Variants in SLC12A9 observed in about 807,000 individuals in gnomAD.
The protein encoded by SLC12A9 is CCC-interacting protein 1.
A neutral mutation model predicts 66.0 loss-of-function variants in SLC12A9; 55 were observed. That is an observed-to-expected ratio of 0.83 (90% CI 0.67 to 1.04). SLC12A9 has a LOEUF of 1.04. SLC12A9 is among the 50% of genes least tolerant of loss of function. The probability of loss-of-function intolerance (pLI) is 0.00; values close to 1 mark genes in which losing one functional copy is unlikely to be tolerated. For synonymous variants in SLC12A9, 577 were observed against 569.0 expected (o/e 1.01, Z -0.20); for missense variants, 1,061 against 1,241.9 (o/e 0.85, Z 2.19).
chr7:100,855,768 G>T lies in SLC12A9; in HGVS notation c.379G>T (p.Ala127Ser), dbSNP rs1451698722. The T allele has an allele frequency of 6.2e-7, 1 of 1,614,146 alleles. No individual in the cohort carries two copies. The highest frequency in any genetic ancestry group is 8.5e-7 in the Non-Finnish European group (1 of 1,180,006). The stretch of plus-strand genomic sequence containing the variant: ...CAGCATTGGGCTCATGTTCTACCTG[G>T]CTAACGTCTGTGGCTGTGCCGTCTC... ...GGSIGLMFYLANVCGCAVSLL... is the reference protein window; with the variant it reads ...GGSIGLMFYLSNVCGCAVSLL... Residue 127 changes from alanine to serine, a missense_variant, in exon 4 of 14, where the codon GCT becomes TCT. Physicochemically the swap from Ala to Ser is moderately conservative, Grantham distance 99. Coordinates refer to ENST00000354161, the MANE Select transcript of SLC12A9 (RefSeq NM_020246.4).
chr7:100,840,213 G>A (rs1449859555), intron 1 of SLC12A9, among the ~76,000 whole-genome samples: 3 of 152,132 alleles, frequency 2.0e-5, no homozygotes, highest in Non-Finnish European at 4.4e-5. Flanking sequence ...TGTGAGTGTG[G>A]TGTTTTGTGT....
Position 100,866,287 on chromosome 7 carries a change from T to C in SLC12A9, c.2427T>C (p.Ala809=), listed in dbSNP as rs774332755. 34 of 1,500,094 alleles carry C rather than the reference T, an allele frequency of 2.3e-5. No individual in the cohort carries two copies. The highest frequency in any genetic ancestry group is 2.9e-5 in the Non-Finnish European group (32 of 1,120,778). 92.9% of individuals were successfully genotyped at this position (1,500,094 alleles called of 1,614,324 possible). A position where few individuals can be genotyped will look rare whatever the true frequency, so the allele number is the denominator to read the frequency against. The change falls in exon 14 of 14, where the codon GCT becomes GCC. Residue 809 remains alanine (A), a synonymous_variant. Coordinates refer to ENST00000354161, the MANE Select transcript of SLC12A9 (RefSeq NM_020246.4). The surrounding 1 kb of genome is among the most constrained non-coding windows in gnomAD (Gnocchi z 7.3). ...TGGTGTGGGGCGAGGGGGCCGGGGCTGGGGAACCCGAGGCGGAGGAGGAAG... is the reference window on the plus strand; with the variant it reads ...TGGTGTGGGGCGAGGGGGCCGGGGCCGGGGAACCCGAGGCGGAGGAGGAAG... ...QEVVWGEGAG[A]GEPEAEEEGD...
chr7:100,833,093 T>C (rs1220594737), intron 1 of SLC12A9, among the ~76,000 whole-genome samples: 1 of 152,126 alleles, frequency 6.6e-6, no homozygotes, highest in Non-Finnish European at 1.5e-5. Flanking sequence ...TTTATTTTAT[T>C]TTATTTTTAT....
chr7:100,864,806 C>T (rs1027291106), intron 13 of SLC12A9, among the ~76,000 whole-genome samples: 5 of 152,124 alleles, frequency 3.3e-5, no homozygotes, highest in East Asian at 1.9e-4. Flanking sequence ...AGCATTACTT[C>T]GAGTTTCAAA....
In SLC12A9 at chr7:100,866,606, T is replaced by C. The variant is rs1037354053; in HGVS notation, c.*1T>C. ...TCCAGTCACCTGCACTGATCTGTGA[T>C]GCCCCTGCCTCCAGGGCTAGGTAGA... is the stretch of plus-strand genomic sequence containing the variant. On this transcript the variant is annotated 3_prime_UTR_variant, in exon 14 of 14. Coordinates refer to ENST00000354161, the MANE Select transcript of SLC12A9 (RefSeq NM_020246.4). The surrounding 1 kb of genome is among the most constrained non-coding windows in gnomAD (Gnocchi z 7.3). 1.4e-5 allele frequency: 22 copies of C among 1,555,836 alleles called. No homozygotes were observed. Among genetic ancestry groups the C allele is most frequent in the Non-Finnish European group, 1.9e-5 (22 of 1,148,846 alleles).
At chr7:100,838,059 C>T (rs1421941843) in intron 1 of SLC12A9, among the ~76,000 whole-genome samples, 1 of 151,966 alleles carries the variant, frequency 6.6e-6, no homozygotes, top group Non-Finnish European at 1.5e-5. Flanking sequence ...GACAGGGTTT[C>T]ACCATGTTAG....
intron 1 of SLC12A9, among the ~76,000 whole-genome samples, chr7:100,836,208 TAAG>T (rs1337938421): frequency 2.0e-5 from 3 of 151,934 alleles, no homozygotes; most frequent in Non-Finnish European, 4.4e-5. Flanking sequence ...GGAGGGAAAG[TAAG>T]AAGGACTATT....
Position 100,857,120 on chromosome 7 carries a change from C to G in SLC12A9, c.701C>G (p.Pro234Arg). The G allele has an allele frequency of 6.2e-7, 1 of 1,614,180 alleles. No individual in the cohort carries two copies. Among genetic ancestry groups the G allele is most frequent in the Non-Finnish European group, 8.5e-7 (1 of 1,180,028 alleles). The change falls in exon 5 of 14, where the codon CCC becomes CGC. Residue 234 changes from proline (P) to arginine (R), a missense_variant. By Grantham distance (103) the Pro-to-Arg change is moderately radical. Transcript: ENST00000354161. ...GGCCCCAATGGCTCCTCCCTGCCGC[C>G]CCGGTTTGGCCACTTCACCGGCTTC... is the stretch of plus-strand genomic sequence containing the variant. ...RPGPNGSSLP[P>R]RFGHFTGFNS...
chr7:100,837,366 C>G (rs995140648), intron 1 of SLC12A9: 1 of 152,214 alleles, frequency 6.6e-6, no homozygotes, highest in Non-Finnish European at 1.5e-5. Flanking sequence ...GAGGACGACC[C>G]GCCCGTAGCC....
At chr7:100,859,822 G>A (rs766628023) in intron 7 of SLC12A9, 63 bp from the exon 8 acceptor site, 37 of 1,540,994 alleles carry the variant, frequency 2.4e-5, no homozygotes, top group Non-Finnish European at 3.2e-5. Context: ...TTAAGATCGG[G>A]GCTGGAGATT....
At position 100,860,305 on chromosome 7, in the gene SLC12A9, G is replaced by A. The variant is rs896072407; in HGVS notation, c.1218+73G>A. On this transcript the variant is annotated intron_variant, in intron 9 of 13. Transcript: ENST00000354161. ...CAGGATGGGGGTGCAGTTAGATGCA[G>A]GCTGGGAGACAAATGTAAAGACAAA... 59 of 1,490,516 alleles carry A rather than the reference G, an allele frequency of 4.0e-5. No individual in the cohort carries two copies. The Middle Eastern group carries it at 6.9e-4, about 18-fold the overall frequency. 92.3% of individuals were successfully genotyped at this position (1,490,516 alleles called of 1,614,324 possible).
intron 1 of SLC12A9, chr7:100,827,597 C>G (rs545020449): frequency 1.3e-5 from 2 of 152,312 alleles, no homozygotes; most frequent in African/African-American, 4.8e-5. Context: ...GCGGGGGCTC[C>G]GCGAGTGAGC....
rs537323931 is a variant in SLC12A9 at position 100,858,656 on chromosome 7, G to C, written c.758-179G>C. On this transcript the variant is annotated intron_variant, in intron 5 of 13. Transcript: ENST00000354161. ...TGGAGGGAGGAATATCGGAGCACTG[G>C]GGGGACGTGGCAATGTGTCTGGCTG... The C allele has an allele frequency of 1.5e-3, 878 of 596,508 alleles. 1 individual carries two copies. The highest frequency in any genetic ancestry group is 2.2e-3 in the Non-Finnish European group (738 of 332,176). The allele number at this position is 596,508 out of a possible 1,614,324, so 37.0% of individuals were successfully genotyped here. A position where few individuals can be genotyped will look rare whatever the true frequency, so the allele number is the denominator to read the frequency against.
At chr7:100,845,016 C>T (rs1169596615) in intron 1 of SLC12A9, among the ~76,000 whole-genome samples, 1 of 151,828 alleles carries the variant, frequency 6.6e-6, no homozygotes, top group Non-Finnish European at 1.5e-5. Context: ...GAATTGGTAC[C>T]TACATACCCA....
At chr7:100,847,117 G>A (rs532642781) in intron 1 of SLC12A9, among the ~76,000 whole-genome samples, 3 of 152,070 alleles carry the variant, frequency 2.0e-5, no homozygotes, top group Admixed American at 6.6e-5. Context: ...CGATGCCCCC[G>A]GCCGAATAAA....
chr7:100,861,021 G>A lies in SLC12A9; in HGVS notation c.1219-117G>A. ...CACTGGCACTTTGCAGGGTTCACTG[G>A]CACTTTCTGGGGCTCATTGACACTT... On this transcript the variant is annotated intron_variant, in intron 9 of 13. Coordinates refer to ENST00000354161, the MANE Select transcript of SLC12A9 (RefSeq NM_020246.4). The surrounding 1 kb of genome is among the most constrained non-coding windows in gnomAD (Gnocchi z 5.3). The A allele has an allele frequency of 1.9e-6, 3 of 1,567,078 alleles. No individual in the cohort carries two copies. Among genetic ancestry groups the A allele is most frequent in the Non-Finnish European group, 2.6e-6 (3 of 1,145,596 alleles).
intron 1 of SLC12A9, among the ~76,000 whole-genome samples, chr7:100,836,058 C>T (rs1475723149): frequency 6.6e-6 from 1 of 152,180 alleles, no homozygotes. Flanking sequence ...CTCTCTTCCC[C>T]TGACAGCCTG....
chr7:100,852,177 C>T (rs1401436703), upstream of SLC12A9, among the ~76,000 whole-genome samples: 4 of 152,236 alleles, frequency 2.6e-5, no homozygotes, highest in Admixed American at 2.6e-4. Context: ...CAAAGCGACC[C>T]TGGGCCCAGA....
At position 100,866,431 on chromosome 7, in the gene SLC12A9, G is replaced by A. The variant is rs199582669; in HGVS notation, c.2571G>A (p.Glu857=). ...RGTGGGPGGP[E]GGDAEGPITA... ...CAGGAGGAGGGCCGGGTGGGCCGGA[G>A]GGTGGGGATGCTGAGGGCCCCATCA... The change falls in exon 14 of 14, where the codon GAG becomes GAA. Residue 857 remains glutamate, a synonymous_variant. Coordinates refer to ENST00000354161, the MANE Select transcript of SLC12A9 (RefSeq NM_020246.4). The surrounding 1 kb of genome is among the most constrained non-coding windows in gnomAD (Gnocchi z 7.3). 0.011 allele frequency: 17,653 copies of A among 1,548,222 alleles called. 121 individuals carry two copies. Among genetic ancestry groups the A allele is most frequent in the Non-Finnish European group, 0.014 (15,829 of 1,145,904 alleles).
Sources: allele counts gnomAD v4.1 joint callset (sites outside exome capture counted in the v4.1 genomes callset), GRCh38; gene constraint gnomAD v4.1.1; non-coding constraint Gnocchi (gnomAD v3.1); transcripts MANE v1.5; gene names NCBI Gene and HGNC (gene_info 2026-07-23, HGNC 2026-07-21).